ARHGEF37: variants seen among roughly 807,000 people sequenced by gnomAD.
ARHGEF37 encodes the protein Rho guanine nucleotide exchange factor (GEF) 37.
A neutral mutation model predicts 71.1 loss-of-function variants in ARHGEF37; 55 were observed. The observed-to-expected ratio is 0.77, with a 90% CI of 0.62 to 0.97. The LOEUF is 0.97. ARHGEF37 is among the 50% of genes least tolerant of loss of function. ARHGEF37 has a pLI of 0.00. For missense variants in ARHGEF37, 765 were observed against 836.8 expected (o/e 0.91, Z 1.06); for synonymous variants, 327 against 350.6 (o/e 0.93, Z 0.75).
chr5:149,558,055 G>T (rs1762777061), intron 1 of ARHGEF37, among the ~76,000 whole-genome samples: 1 of 151,884 alleles, frequency 6.6e-6, no homozygotes, highest in African/African-American at 2.4e-5. Context: ...TAGTAGAGAT[G>T]GGCAGAGACG....
intron 9 of ARHGEF37, 22 bp downstream of exon 9, chr5:149,622,084 C>T (rs1007012137): frequency 3.2e-6 from 5 of 1,579,320 alleles, no homozygotes; most frequent in African/African-American, 1.3e-5. Context: ...GAGACTTGGA[C>T]ACCTGTGGGG....
intron 1 of ARHGEF37, among the ~76,000 whole-genome samples, chr5:149,592,784 G>T (rs1303525995): frequency 2.0e-5 from 3 of 151,750 alleles, no homozygotes; most frequent in African/African-American, 7.3e-5. Context: ...TTTTGTTTTT[G>T]TTTGAGATGG....
intron 2 of ARHGEF37, among the ~76,000 whole-genome samples, 172 bp downstream of exon 2, chr5:149,598,127 A>G (rs904178943): frequency 1.3e-5 from 2 of 152,086 alleles, no homozygotes; most frequent in Non-Finnish European, 2.9e-5. Flanking sequence ...TGGCCGTGCA[A>G]CCTCCATCAA....
intron 12 of ARHGEF37, 136 bp downstream of exon 12, chr5:149,629,102 A>C: frequency 3.4e-6 from 4 of 1,160,704 alleles, no homozygotes; most frequent in Non-Finnish European, 3.5e-6. Context: ...GCCTTGATCA[A>C]TGGCCATGCC....
At chr5:149,556,610 C>T (rs912445752) in intron 1 of ARHGEF37, among the ~76,000 whole-genome samples, 6 of 152,114 alleles carry the variant, frequency 3.9e-5, no homozygotes, top group African/African-American at 1.2e-4. Flanking sequence ...TGGTTTCAAA[C>T]CTCTGATCTC....
At chr5:149,601,011 T>C in intron 2 of ARHGEF37, 97 bp from the exon 3 acceptor site, 7 of 1,372,338 alleles carry the variant, frequency 5.1e-6, no homozygotes, top group Non-Finnish European at 7.0e-6. Flanking sequence ...TCAGGAGTGA[T>C]GGGAATGGTG....
At chr5:149,554,805 C>T (rs1441181805) in intron 1 of ARHGEF37, among the ~76,000 whole-genome samples, 1 of 152,020 alleles carries the variant, frequency 6.6e-6, no homozygotes, top group Non-Finnish European at 1.5e-5. Flanking sequence ...TCATTCTGTA[C>T]TTATTGAATC....
At chr5:149,556,366 G>GTATT (rs34107862) in intron 1 of ARHGEF37, among the ~76,000 whole-genome samples, 43,947 of 142,514 alleles carry the variant, frequency 0.31, 7,770 homozygotes, top group East Asian at 0.76. Context: ...GCTAGTTTTT[G>GTATT]TATTTATTTA....
intron 9 of ARHGEF37, among the ~76,000 whole-genome samples, chr5:149,622,365 G>C (rs1752572458): frequency 6.6e-6 from 1 of 152,202 alleles, no homozygotes; most frequent in South Asian, 2.1e-4. Context: ...CTGATCTCTG[G>C]AGTGTACTAG....
chr5:149,613,336 TTAGA>T, intron 4 of ARHGEF37, among the ~76,000 whole-genome samples: 1 of 148,626 alleles, frequency 6.7e-6, no homozygotes, highest in South Asian at 2.1e-4. Flanking sequence ...AGATAGATGG[TTAGA>T]TAGATAGAAT....
At chr5:149,617,074 C>T (rs934297260) in intron 5 of ARHGEF37, among the ~76,000 whole-genome samples, 7 of 152,102 alleles carry the variant, frequency 4.6e-5, no homozygotes, top group East Asian at 1.9e-4. Context: ...AGGGTTTTTT[C>T]CCCCTTAGCC....
chr5:149,558,996 A>G (rs557553116), intron 1 of ARHGEF37, among the ~76,000 whole-genome samples: 1 of 152,162 alleles, frequency 6.6e-6, no homozygotes, highest in African/African-American at 2.4e-5. Flanking sequence ...CCCAAAAAAT[A>G]TAAGTACGTA....
intron 10 of ARHGEF37, 54 bp from the exon 11 acceptor site, chr5:149,627,022 G>T: frequency 1.3e-6 from 2 of 1,536,876 alleles, no homozygotes; most frequent in Non-Finnish European, 1.8e-6. Context: ...GTTGGTGCCA[G>T]CTTTGACAGG....
At chr5:149,615,042 G>A (rs1561803462) in intron 4 of ARHGEF37, among the ~76,000 whole-genome samples, 2 of 152,142 alleles carry the variant, frequency 1.3e-5, no homozygotes, top group African/African-American at 2.4e-5. Context: ...ATTGACTTGG[G>A]GACTCTGGAT....
At chr5:149,552,206 C>CAGTTTTTT in intron 1 of ARHGEF37, 1 of 138,054 alleles carries the variant, frequency 7.2e-6, no homozygotes, top group Non-Finnish European at 1.5e-5. Context: ...TGTTATGTCC[C>CAGTTTTTT]CTCAACCCCA....
intron 4 of ARHGEF37, among the ~76,000 whole-genome samples, chr5:149,613,753 T>G (rs1238957529): frequency 6.7e-6 from 1 of 149,962 alleles, no homozygotes; most frequent in East Asian, 2.0e-4. Context: ...TTGATATTTC[T>G]ACAGTGTTTT....
upstream of ARHGEF37, among the ~76,000 whole-genome samples, chr5:149,580,384 G>A (rs1342048485): frequency 3.3e-5 from 5 of 152,054 alleles, no homozygotes; most frequent in Non-Finnish European, 7.4e-5. Context: ...TCTTCTGCAA[G>A]CTATACCACC....
At chr5:149,582,792 TTTAA>T (rs1214041353) in intron 1 of ARHGEF37, among the ~76,000 whole-genome samples, 2 of 151,722 alleles carry the variant, frequency 1.3e-5, no homozygotes, top group African/African-American at 2.4e-5. Context: ...TAAAATTTAA[TTTAA>T]TTAATTAAAA....
intron 1 of ARHGEF37, among the ~76,000 whole-genome samples, chr5:149,573,041 C>T (rs1762987408): frequency 6.6e-6 from 1 of 152,108 alleles, no homozygotes; most frequent in Non-Finnish European, 1.5e-5. Context: ...AAGGTCAAAG[C>T]GGAAGTAGAC....
Sources: allele counts gnomAD v4.1 joint callset (sites outside exome capture counted in the v4.1 genomes callset), GRCh38; gene constraint gnomAD v4.1.1; transcripts MANE v1.5; gene names NCBI Gene and HGNC (gene_info 2026-07-23, HGNC 2026-07-21).